Variants in PITPNC1 observed in about 807,000 individuals in gnomAD.
PITPNC1 encodes phosphatidylinositol transfer protein cytoplasmic 1, also known as cytoplasmic phosphatidylinositol transfer protein 1.
A neutral mutation model predicts 44.7 loss-of-function variants in PITPNC1; 18 were observed. The ratio of observed to expected loss-of-function variants is 0.40; its 90% CI spans 0.28 to 0.60. The LOEUF is 0.60. Ranked by LOEUF, PITPNC1 falls within the 20% of genes least tolerant of loss-of-function variation. The probability of loss-of-function intolerance (pLI) is 0.39; values close to 1 mark genes in which losing one functional copy is unlikely to be tolerated. For missense variants in PITPNC1, 290 were observed against 418.4 expected, an observed-to-expected ratio of 0.69 and a Z score of 2.68; for synonymous variants, 141 against 149.6, an observed-to-expected ratio of 0.94 and a Z score of 0.42.
At chr17:67,548,644 G>A (rs534661736) in intron 2 of PITPNC1, among the ~76,000 whole-genome samples, 14 of 152,252 alleles carry the variant, frequency 9.2e-5, no homozygotes, top group Admixed American at 3.3e-4. Context: ...GTCTGTCTTT[G>A]GGAGGCATTG....
At chr17:67,688,561 G>T (rs1450576372) in intron 8 of PITPNC1, among the ~76,000 whole-genome samples, 1 of 152,016 alleles carries the variant, frequency 6.6e-6, no homozygotes, top group Non-Finnish European at 1.5e-5. Flanking sequence ...CTCCCATTTT[G>T]CATGCAGTGA....
chr17:67,670,803 T>TAA (rs2042500850), intron 7 of PITPNC1, among the ~76,000 whole-genome samples: 2 of 150,090 alleles, frequency 1.3e-5, no homozygotes, highest in South Asian at 4.3e-4. Context: ...TACCAAATAA[T>TAA]TGTTAACAGC....
chr17:67,597,885 G>A lies in PITPNC1; in HGVS notation c.366+19628G>A, dbSNP rs1598867796. On this transcript the variant is annotated intron_variant, in intron 5 of 8. Coordinates refer to ENST00000581322, the MANE Select transcript of PITPNC1 (RefSeq NM_012417.4). The surrounding 1 kb of genome is among the most constrained non-coding windows in gnomAD (Gnocchi z 4.0). Reference sequence around the variant, plus strand: ...CACAGGAGATTTTTGCAGTAGATCAGATGATAGAGAATGCAGCCCGAGATT... The same window carrying A: ...CACAGGAGATTTTTGCAGTAGATCAAATGATAGAGAATGCAGCCCGAGATT... Among the ~76,000 whole-genome samples the A allele has an allele frequency of 6.6e-6, 1 of 152,130 alleles. No homozygotes were observed. The highest frequency in any genetic ancestry group is 2.1e-4 in the South Asian group (1 of 4,818).
At chr17:67,655,260 T>C (rs1383867740) in intron 6 of PITPNC1, among the ~76,000 whole-genome samples, 1 of 152,060 alleles carries the variant, frequency 6.6e-6, no homozygotes, top group Non-Finnish European at 1.5e-5. Context: ...GAGTTTCTTT[T>C]ATAAGAGCAC....
intron 1 of PITPNC1, among the ~76,000 whole-genome samples, chr17:67,431,062 C>CTTTTTTTTTTTTTTTTTT: frequency 7.5e-6 from 1 of 133,048 alleles, no homozygotes; most frequent in Non-Finnish European, 1.6e-5. Flanking sequence ...GTTACTGTTT[C>CTTTTTTTTTTTTTTTTTT]TTTTTTTTTT....
At chr17:67,418,591 C>G (rs901993225) in intron 1 of PITPNC1, among the ~76,000 whole-genome samples, 1 of 151,656 alleles carries the variant, frequency 6.6e-6, no homozygotes, top group Non-Finnish European at 1.5e-5. Flanking sequence ...GAGTTTTGCT[C>G]TGTCACCCAG....
intron 2 of PITPNC1, among the ~76,000 whole-genome samples, chr17:67,550,510 G>C (rs1277204819): frequency 6.6e-6 from 1 of 151,896 alleles, no homozygotes; most frequent in Non-Finnish European, 1.5e-5. Flanking sequence ...TCCAAGAGGG[G>C]TTTGAGACTT....
rs1338544743 is a variant in PITPNC1 at position 67,628,211 on chromosome 17, ATTC to A, written c.367-3929_367-3927del. ...AGCCACTGCGGCCAGCTGACAGCCTATTCTTTTCTTTCTTTTGCAGCACATACT... is the reference window on the plus strand; with the variant it reads ...AGCCACTGCGGCCAGCTGACAGCCTATTTTCTTTCTTTTGCAGCACATACT... On this transcript the variant is annotated intron_variant, in intron 5 of 8. Coordinates refer to ENST00000581322, the MANE Select transcript of PITPNC1 (RefSeq NM_012417.4). 9.2e-5 allele frequency among the ~76,000 whole-genome samples: 14 copies of A among 152,062 alleles called. No homozygotes were observed. In the South Asian group the frequency reaches 2.9e-3, roughly 32 times the overall value.
chr17:67,563,489 A>G (rs1490153903), intron 4 of PITPNC1, among the ~76,000 whole-genome samples: 1 of 152,188 alleles, frequency 6.6e-6, no homozygotes, highest in Non-Finnish European at 1.5e-5. Flanking sequence ...GCTCTCAGAC[A>G]TGGAAGAATT....
intron 1 of PITPNC1, among the ~76,000 whole-genome samples, chr17:67,481,393 G>A (rs937856247): frequency 3.0e-4 from 46 of 152,244 alleles, no homozygotes; most frequent in African/African-American, 9.9e-4. Context: ...AGCAGGCTGG[G>A]AACAAAATCC....
chr17:67,394,385 A>G (rs979376864), intron 1 of PITPNC1, among the ~76,000 whole-genome samples: 19 of 152,212 alleles, frequency 1.2e-4, no homozygotes, highest in African/African-American at 4.6e-4. Context: ...AGGGTTAAAT[A>G]AACACCTTTT....
At chr17:67,552,413 TGATTTACAGTG>T (rs1327335140) in intron 3 of PITPNC1, 68 bp downstream of exon 3, 1 of 864,718 alleles carries the variant, frequency 1.2e-6, no homozygotes, top group African/African-American at 1.7e-5. Context: ...TGAATTTCAC[TGATTTACAGTG>T]GATTATCCAA....
intron 6 of PITPNC1, among the ~76,000 whole-genome samples, chr17:67,661,813 A>G (rs2042352296): frequency 6.6e-6 from 1 of 152,192 alleles, no homozygotes; most frequent in Admixed American, 6.5e-5. Flanking sequence ...CCTGGCCAAC[A>G]TGGTGAAACC....
At chr17:67,425,197 G>GCACACACACACACACACACA (rs60303181) in intron 1 of PITPNC1, among the ~76,000 whole-genome samples, 1 of 98,430 alleles carries the variant, frequency 1.0e-5, no homozygotes, top group Non-Finnish European at 2.1e-5. Flanking sequence ...GCGCGCGCAC[G>GCACACACACACACACACACA]CACACGCACA....
rs551876576 is a variant in PITPNC1 at position 67,696,838 on chromosome 17, T to C, written c.*3950T>C. 1 of 150,190 alleles carries C rather than the reference T, an allele frequency of 6.7e-6. No individual in the cohort carries two copies. The highest frequency in any genetic ancestry group is 2.5e-5 in the African/African-American group (1 of 40,602). The allele number at this position is 150,190 out of a possible 1,614,324, so 9.3% of individuals were successfully genotyped here. On this transcript the variant is annotated 3_prime_UTR_variant, in exon 9 of 9. Coordinates refer to ENST00000581322, the MANE Select transcript of PITPNC1 (RefSeq NM_012417.4). Reference sequence around the variant, plus strand: ...CCATTAATAATTGTAATTTTGTTGTTAAATTAACAAGGACTTTAGGATAAG... The same window carrying C: ...CCATTAATAATTGTAATTTTGTTGTCAAATTAACAAGGACTTTAGGATAAG...
At chr17:67,611,879 C>G (rs770871657) in intron 5 of PITPNC1, 1 of 152,166 alleles carries the variant, frequency 6.6e-6, no homozygotes, top group South Asian at 2.1e-4. Flanking sequence ...AATGGTTCAA[C>G]CTTTCTTGGC....
chr17:67,672,426 T>G (rs2042530965), intron 7 of PITPNC1, among the ~76,000 whole-genome samples: 1 of 151,060 alleles, frequency 6.6e-6, no homozygotes, highest in Non-Finnish European at 1.5e-5. Flanking sequence ...TGGTGAACTC[T>G]CATCTCTACT....
At chr17:67,595,417 A>T (rs2041447128) in intron 5 of PITPNC1, among the ~76,000 whole-genome samples, 1 of 151,958 alleles carries the variant, frequency 6.6e-6, no homozygotes, top group Non-Finnish European at 1.5e-5. Context: ...TCTATCTGAT[A>T]CACCTTCAAG....
intron 1 of PITPNC1, among the ~76,000 whole-genome samples, chr17:67,466,944 G>C (rs1877922203): frequency 6.6e-6 from 1 of 151,882 alleles, no homozygotes. Flanking sequence ...ACAGGGCTTT[G>C]ACTGTTTTTG....
Sources: gnomAD v4.1 joint callset for allele counts (sites outside exome capture counted in the v4.1 genomes callset) on GRCh38, gnomAD v4.1.1 for gene constraint, Gnocchi (gnomAD v3.1) non-coding constraint, MANE v1.5 for transcripts, NCBI Gene and HGNC (gene_info 2026-07-23, HGNC 2026-07-21) for gene names.